SRPK2: variants seen among roughly 807,000 people sequenced by gnomAD.
The protein encoded by SRPK2 is SRSF protein kinase 2.
A neutral mutation model predicts 90.8 loss-of-function variants in SRPK2; 21 were observed. The observed-to-expected ratio is 0.23, with a 90% CI of 0.16 to 0.33. The LOEUF is 0.33. SRPK2 is among the 10% of genes least tolerant of loss of function. SRPK2 has a pLI of 1.00. For missense variants in SRPK2, 620 were observed against 869.0 expected, an observed-to-expected ratio of 0.71 and a Z score of 3.60; for synonymous variants, 288 against 311.1, an observed-to-expected ratio of 0.93 and a Z score of 0.78.
At chr7:105,135,813 G>A (rs1802720479) in intron 11 of SRPK2, among the ~76,000 whole-genome samples, 1 of 149,192 alleles carries the variant, frequency 6.7e-6, no homozygotes, top group Non-Finnish European at 1.5e-5. Flanking sequence ...CGCCTAGGCT[G>A]GAGTGCAGTG....
At chr7:105,115,182 A>AAGTT, downstream of SRPK2, 1 of 152,296 alleles carries the variant, frequency 6.6e-6, no homozygotes, top group Non-Finnish European at 1.5e-5. Flanking sequence ...AATTTCATTC[A>AAGTT]AGTTATTTAA....
chr7:105,202,381 T>C (rs1290923095), intron 3 of SRPK2, among the ~76,000 whole-genome samples: 3 of 152,226 alleles, frequency 2.0e-5, no homozygotes, highest in Non-Finnish European at 2.9e-5. Flanking sequence ...TAATGCTATA[T>C]AGAATCTGAT....
At chr7:105,245,766 G>C (rs996047493) in intron 2 of SRPK2, among the ~76,000 whole-genome samples, 6 of 152,108 alleles carry the variant, frequency 3.9e-5, no homozygotes, top group Non-Finnish European at 7.4e-5. Flanking sequence ...AGAGTGCGGT[G>C]GTTATTCACA....
intron 2 of SRPK2, among the ~76,000 whole-genome samples, chr7:105,339,905 A>G (rs982028416): frequency 7.2e-5 from 11 of 152,156 alleles, no homozygotes; most frequent in African/African-American, 2.6e-4. Flanking sequence ...TGAAAACACA[A>G]AAATTGTCCT....
At chr7:105,380,193 G>A (rs1360195541) in intron 2 of SRPK2, among the ~76,000 whole-genome samples, 1 of 152,168 alleles carries the variant, frequency 6.6e-6, no homozygotes, top group Non-Finnish European at 1.5e-5. Context: ...ACTAAGTGGT[G>A]CAATCTCAGC....
chr7:105,335,683 G>C (rs979265733), intron 2 of SRPK2, among the ~76,000 whole-genome samples: 3 of 150,866 alleles, frequency 2.0e-5, no homozygotes, highest in African/African-American at 4.9e-5. Context: ...GCCGGGCGCA[G>C]TGGCTCACAT....
Position 105,320,272 on chromosome 7 carries a change from T to A in SRPK2, c.71+68376A>T, listed in dbSNP as rs1031744076. ...ACAAGAATAAACCTTGGAAGATTCA[T>A]ATTTTGCTCAGCACCTCTCACCTTA... On this transcript the variant is annotated intron_variant, in intron 2 of 15. Transcript: ENST00000393651. Among the ~76,000 whole-genome samples, 2 of 152,212 alleles carry A rather than the reference T, an allele frequency of 1.3e-5. 1 individual carries two copies. The highest frequency in any genetic ancestry group is 4.8e-5 in the African/African-American group (2 of 41,464).
At chr7:105,294,370 A>C (rs1400233741) in intron 2 of SRPK2, among the ~76,000 whole-genome samples, 4 of 152,212 alleles carry the variant, frequency 2.6e-5, no homozygotes, top group Non-Finnish European at 5.9e-5. Context: ...TTGTCGATCC[A>C]GTTCCCTAAA....
At chr7:105,383,696 G>A (rs1821219361) in intron 2 of SRPK2, among the ~76,000 whole-genome samples, 1 of 152,154 alleles carries the variant, frequency 6.6e-6, no homozygotes, top group East Asian at 1.9e-4. Flanking sequence ...GGGATTACAG[G>A]CATGAGCCAC....
intron 6 of SRPK2, among the ~76,000 whole-genome samples, chr7:105,165,818 C>A (rs891906751): frequency 2.0e-5 from 3 of 152,236 alleles, no homozygotes; most frequent in African/African-American, 4.8e-5. Flanking sequence ...TTCTTTCACT[C>A]TTCAAAATAA....
intron 2 of SRPK2, among the ~76,000 whole-genome samples, chr7:105,220,480 C>T (rs1047122090): frequency 6.6e-6 from 1 of 152,002 alleles, no homozygotes; most frequent in African/African-American, 2.4e-5. Context: ...GAGCTGAGAT[C>T]GCACCACTGC....
At chr7:105,361,326 GACACAA>G (rs1308699730) in intron 2 of SRPK2, among the ~76,000 whole-genome samples, 2 of 152,060 alleles carry the variant, frequency 1.3e-5, no homozygotes, top group Non-Finnish European at 1.5e-5. Flanking sequence ...AATAAAAGAG[GACACAA>G]ACAAATGGAA....
intron 2 of SRPK2, among the ~76,000 whole-genome samples, chr7:105,276,460 G>A (rs1301129472): frequency 6.6e-6 from 1 of 151,788 alleles, no homozygotes; most frequent in Admixed American, 6.6e-5. Flanking sequence ...AAATGCAGCT[G>A]GTCAAGGTGG....
intron 2 of SRPK2, among the ~76,000 whole-genome samples, chr7:105,324,132 G>A (rs1299995962): frequency 6.6e-6 from 1 of 151,412 alleles, no homozygotes; most frequent in Non-Finnish European, 1.5e-5. Context: ...AAGTAGCTGG[G>A]ATTACAGGCC....
intron 3 of SRPK2, among the ~76,000 whole-genome samples, chr7:105,187,219 G>C (rs1290570007): frequency 6.6e-6 from 1 of 152,192 alleles, no homozygotes; most frequent in Non-Finnish European, 1.5e-5. Context: ...CAGGTAAGAT[G>C]TGCCTTCAAT....
chr7:105,331,239 G>T (rs1184203219), intron 2 of SRPK2, among the ~76,000 whole-genome samples: 1 of 139,184 alleles, frequency 7.2e-6, no homozygotes, highest in Non-Finnish European at 1.5e-5. Context: ...AACCTCGGAG[G>T]CAGAGGTTGC....
At chr7:105,201,238 G>T (rs1430542184) in intron 3 of SRPK2, among the ~76,000 whole-genome samples, 1 of 152,100 alleles carries the variant, frequency 6.6e-6, no homozygotes. Flanking sequence ...AAAATTCAAA[G>T]TAGGGCATCT....
chr7:105,243,761 G>T (rs1801173474), intron 2 of SRPK2, among the ~76,000 whole-genome samples: 1 of 151,820 alleles, frequency 6.6e-6, no homozygotes, highest in African/African-American at 2.4e-5. Flanking sequence ...TTTAATTTCA[G>T]TTACAAAGAT....
chr7:105,255,388 C>G (rs952620838), intron 2 of SRPK2, among the ~76,000 whole-genome samples: 33 of 152,100 alleles, frequency 2.2e-4, no homozygotes, highest in African/African-American at 6.7e-4. Flanking sequence ...CTCTGACCCC[C>G]TTTTTTCTAC....
Sources: allele counts gnomAD v4.1 joint callset (sites outside exome capture counted in the v4.1 genomes callset), GRCh38; gene constraint gnomAD v4.1.1; transcripts MANE v1.5; gene names NCBI Gene and HGNC (gene_info 2026-07-23, HGNC 2026-07-21).